Variants in FBXL4 observed in about 807,000 individuals in gnomAD.
FBXL4 encodes the protein F-box and leucine rich repeat protein 4.
In FBXL4, 40 loss-of-function variants were observed where a neutral mutation model predicts 58.9. The ratio of observed to expected loss-of-function variants is 0.68; its 90% CI spans 0.53 to 0.88. The LOEUF (loss-of-function observed/expected upper bound fraction) is 0.88, where lower values mean the gene tolerates loss of function less well. Ranked by LOEUF, FBXL4 falls within the 40% of genes least tolerant of loss-of-function variation. The pLI, the probability that FBXL4 is intolerant of heterozygous loss-of-function variation, is 0.00. For missense variants in FBXL4, 676 were observed against 734.4 expected (o/e 0.92, Z 0.92); for synonymous variants, 263 against 265.5 (o/e 0.99, Z 0.09).
At position 98,870,547 on chromosome 6, in the gene FBXL4, A is replaced by C. The variant is rs1304013373; in HGVS notation, c.*3731T>G. The C allele has an allele frequency of 6.6e-6, 1 of 152,254 alleles. No individual in the cohort carries two copies. Among genetic ancestry groups the C allele is most frequent in the Non-Finnish European group, 1.5e-5 (1 of 68,044 alleles). The allele number at this position is 152,254 out of a possible 1,614,324, so 9.4% of individuals were successfully genotyped here. ...TCATCATTTTGCACTGCTACTTGGC[A>C]CACTAAAAACTGCAGTAATGCAGTT... On this transcript the variant is annotated 3_prime_UTR_variant, in exon 10 of 10. Transcript: ENST00000369244.
intron 5 of FBXL4, 119 bp from the exon 6 acceptor site, chr6:98,905,789 A>C (rs868189230): frequency 1.0e-6 from 1 of 1,001,702 alleles, no homozygotes; most frequent in African/African-American, 1.6e-5. Context: ...ATATTTTCAC[A>C]TAGTAAATAA....
chr6:98,943,496 C>T (rs1331787817), intron 1 of FBXL4, among the ~76,000 whole-genome samples: 2 of 142,320 alleles, frequency 1.4e-5, no homozygotes, highest in Admixed American at 1.5e-4. Context: ...TCACTTAAGT[C>T]CAGGAGATGG....
chr6:98,880,420 G>T, intron 8 of FBXL4, 133 bp downstream of exon 8: 2 of 673,604 alleles, frequency 3.0e-6, no homozygotes. Flanking sequence ...TGAAAGCAAG[G>T]GACAAAGAAG....
intron 7 of FBXL4, among the ~76,000 whole-genome samples, chr6:98,893,127 G>T (rs1422203591): frequency 6.6e-6 from 1 of 152,000 alleles, no homozygotes; most frequent in Admixed American, 6.5e-5. Flanking sequence ...AGGTAAACAG[G>T]TTCAAACTTC....
chr6:98,944,686 G>C lies in FBXL4; in HGVS notation c.-309+3120C>G, dbSNP rs111533752. On this transcript the variant is annotated intron_variant, in intron 1 of 9. Coordinates refer to ENST00000369244, the MANE Select transcript of FBXL4 (RefSeq NM_001278716.2). ...AGAGATGTCTCCCTCTGGTACAGAG[G>C]GCAGGTTTGTTTACCATGTGGGAAA... Among the ~76,000 whole-genome samples the C allele has an allele frequency of 1.0e-3, 154 of 152,200 alleles. 2 individuals carry two copies. The highest frequency in any genetic ancestry group is 3.4e-3 in the African/African-American group (143 of 41,512).
chr6:98,939,661 T>A (rs894673023), intron 1 of FBXL4, among the ~76,000 whole-genome samples: 4 of 152,238 alleles, frequency 2.6e-5, no homozygotes, highest in Admixed American at 2.0e-4. Context: ...CTATGGTACA[T>A]AACAAGCAAT....
At position 98,934,769 on chromosome 6, in the gene FBXL4, A is replaced by G. The variant is rs184127785; in HGVS notation, c.-198T>C. 3 of 152,334 alleles carry G rather than the reference A, an allele frequency of 2.0e-5. No individual in the cohort carries two copies. The highest frequency in any genetic ancestry group is 7.2e-5 in the African/African-American group (3 of 41,570). 9.4% of individuals were successfully genotyped at this position (152,334 alleles called of 1,614,324 possible). ...AATAGGTGGCGTTCTTACCTGAAAC[A>G]TATGGATCAAGAGGAAGACTGGAGA... On this transcript the variant is annotated 5_prime_UTR_variant, in exon 2 of 10. An upstream start codon of the reference 5' UTR is lost. Transcript: ENST00000369244.
At chr6:98,922,021 G>A (rs1487864709) in intron 4 of FBXL4, among the ~76,000 whole-genome samples, 1 of 152,206 alleles carries the variant, frequency 6.6e-6, no homozygotes, top group South Asian at 2.1e-4. Context: ...TCCGCCTTCT[G>A]GTTTCAAGTG....
At position 98,905,575 on chromosome 6, in the gene FBXL4, C is replaced by T. The variant is rs762811521; in HGVS notation, c.954G>A (p.Leu318=). ...GTTGCAGATTGAGGTGGATGTATTG[C>T]AGAGGATCACAGCAATGCTGGCTCA... ...KLLSQHCCDP[L]QYIHLNLQPY... The change falls in exon 6 of 10, where the codon CTG becomes CTA. Residue 318 remains leucine, a synonymous_variant. Coordinates refer to ENST00000369244, the MANE Select transcript of FBXL4 (RefSeq NM_001278716.2). 9 of 1,613,942 alleles carry T rather than the reference C, an allele frequency of 5.6e-6. No individual in the cohort carries two copies. Among genetic ancestry groups the T allele is most frequent in the Non-Finnish European group, 7.6e-6 (9 of 1,179,960 alleles).
At chr6:98,908,713 TTTTA>T (rs1239541653) in intron 5 of FBXL4, among the ~76,000 whole-genome samples, 6 of 152,120 alleles carry the variant, frequency 3.9e-5, no homozygotes, top group Admixed American at 3.3e-4. Flanking sequence ...ATAAAACTGT[TTTTA>T]TTTGTGTTTC....
At chr6:98,945,993 A>G (rs1236224613) in intron 1 of FBXL4, among the ~76,000 whole-genome samples, 1 of 152,216 alleles carries the variant, frequency 6.6e-6, no homozygotes, top group East Asian at 1.9e-4. Context: ...GGAAAATTTT[A>G]AAGGGGGGAG....
chr6:98,939,293 C>T (rs1050353469), intron 1 of FBXL4, among the ~76,000 whole-genome samples: 1 of 152,098 alleles, frequency 6.6e-6, no homozygotes, highest in African/African-American at 2.4e-5. Flanking sequence ...GTTATCTTAA[C>T]ATACATAAAG....
chr6:98,871,504 C>G lies in FBXL4; in HGVS notation c.*2774G>C, dbSNP rs1409506932. On this transcript the variant is annotated 3_prime_UTR_variant, in exon 10 of 10. Transcript: ENST00000369244. Reference sequence around the variant, plus strand: ...ATAAGAAGAAAACACAAATTTCATGCAACCTGAAGTAGAATCTGCTAAGAT... The same window carrying G: ...ATAAGAAGAAAACACAAATTTCATGGAACCTGAAGTAGAATCTGCTAAGAT... The G allele has an allele frequency of 6.6e-6, 1 of 152,210 alleles. No homozygotes were observed. Among genetic ancestry groups the G allele is most frequent in the Non-Finnish European group, 1.5e-5 (1 of 68,036 alleles). 9.4% of individuals were successfully genotyped at this position (152,210 alleles called of 1,614,324 possible).
At chr6:98,891,753 T>C (rs992833107) in intron 7 of FBXL4, among the ~76,000 whole-genome samples, 5 of 151,198 alleles carry the variant, frequency 3.3e-5, no homozygotes, top group African/African-American at 7.3e-5. Context: ...TTTAAAGACA[T>C]GGCAGTTTAC....
intron 1 of FBXL4, among the ~76,000 whole-genome samples, chr6:98,939,634 T>C (rs1773357051): frequency 6.6e-6 from 1 of 152,248 alleles, no homozygotes. Context: ...CAGGTAACCA[T>C]AGCTGCAGAC....
chr6:98,927,087 T>A, intron 3 of FBXL4, 27 bp from the exon 4 acceptor site: 1 of 1,159,664 alleles, frequency 8.6e-7, no homozygotes, highest in Non-Finnish European at 1.2e-6. Flanking sequence ...CTTGGTGAAG[T>A]AAAATAATTT....
intron 7 of FBXL4, chr6:98,896,706 T>C (rs1771422248): frequency 1.2e-6 from 1 of 807,926 alleles, no homozygotes; most frequent in African/African-American, 1.9e-5. Flanking sequence ...GATGAGCCAA[T>C]AAAAAAAATT....
At position 98,880,585 on chromosome 6, in the gene FBXL4, G is replaced by T. The variant is rs1562216886; in HGVS notation, c.1357C>A (p.Leu453Ile). Residue 453 changes from leucine (L) to isoleucine (I), a missense_variant, in exon 8 of 10, where the codon CTT becomes ATT. Leu to Ile is a conservative substitution (Grantham distance 5, BLOSUM62 2). Coordinates refer to ENST00000369244, the MANE Select transcript of FBXL4 (RefSeq NM_001278716.2). ...LLSILNFCSELQHLSLGSCVM... is the reference protein window; with the variant it reads ...LLSILNFCSEIQHLSLGSCVM... ...CAACTGCCTAAACTGAGGTGCTGAA[G>T]CTCTGAACAGAAGTTCAAAATGCTG... is the stretch of plus-strand genomic sequence containing the variant. The T allele has an allele frequency of 6.2e-7, 1 of 1,613,930 alleles. No individual in the cohort carries two copies. The highest frequency in any genetic ancestry group is 2.2e-5 in the East Asian group (1 of 44,860).
intron 1 of FBXL4, among the ~76,000 whole-genome samples, chr6:98,940,277 A>T (rs1032485893): frequency 6.6e-6 from 1 of 152,184 alleles, no homozygotes; most frequent in African/African-American, 2.4e-5. Context: ...ATTGAAAAAA[A>T]CTGCATATAA....
Sources: allele counts gnomAD v4.1 joint callset (sites outside exome capture counted in the v4.1 genomes callset), GRCh38; gene constraint gnomAD v4.1.1; transcripts MANE v1.5; gene names NCBI Gene and HGNC (gene_info 2026-07-23, HGNC 2026-07-21).